Variants in SULF1 observed in about 807,000 individuals in gnomAD.
SULF1 encodes the protein sulfatase 1.
Under a neutral mutation model 110.5 loss-of-function variants are expected in SULF1, and 46 were observed. The observed-to-expected ratio is 0.42, with a 90% CI of 0.33 to 0.53. The LOEUF (loss-of-function observed/expected upper bound fraction) is 0.53. Ranked by LOEUF, SULF1 falls within the 20% of genes least tolerant of loss-of-function variation. SULF1 has a pLI of 0.12. For synonymous variants in SULF1, 371 were observed against 387.1 expected (o/e 0.96, Z 0.49); for missense variants, 941 against 1,094.2 (o/e 0.86, Z 1.98).
intron 3 of SULF1, among the ~76,000 whole-genome samples, chr8:69,515,168 C>G (rs189831510): frequency 3.9e-5 from 6 of 152,152 alleles, no homozygotes; most frequent in African/African-American, 1.4e-4. Context: ...AGTAGAGGCT[C>G]TCCACAGGGC....
At chr8:69,514,063 G>A (rs1811757464) in intron 3 of SULF1, among the ~76,000 whole-genome samples, 1 of 152,172 alleles carries the variant, frequency 6.6e-6, no homozygotes, top group Non-Finnish European at 1.5e-5. Flanking sequence ...TCTGTAACAT[G>A]GAGGTGCTCA....
intron 1 of SULF1, among the ~76,000 whole-genome samples, chr8:69,478,861 A>T (rs1809406864): frequency 6.6e-6 from 1 of 152,212 alleles, no homozygotes; most frequent in South Asian, 2.1e-4. Flanking sequence ...TAGAGCCAGT[A>T]CATCCTAAAG....
intron 3 of SULF1, among the ~76,000 whole-genome samples, chr8:69,543,271 A>G (rs1357802290): frequency 6.6e-6 from 1 of 152,086 alleles, no homozygotes; most frequent in Non-Finnish European, 1.5e-5. Flanking sequence ...CAGGTTTGTT[A>G]CATAGGTAAA....
At chr8:69,506,553 AG>A (rs1217197575) in intron 3 of SULF1, among the ~76,000 whole-genome samples, 3 of 152,232 alleles carry the variant, frequency 2.0e-5, no homozygotes, top group African/African-American at 7.2e-5. Context: ...TGTGCCCATC[AG>A]GCTGTGCCAT....
At chr8:69,609,175 G>A (rs979465301) in intron 13 of SULF1, among the ~76,000 whole-genome samples, 2 of 151,864 alleles carry the variant, frequency 1.3e-5, no homozygotes, top group Admixed American at 6.6e-5. Context: ...CTAGGGAGAC[G>A]CCGTCTCCAC....
upstream of SULF1, among the ~76,000 whole-genome samples, chr8:69,488,755 T>C (rs528198529): frequency 1.3e-5 from 2 of 151,990 alleles, no homozygotes; most frequent in South Asian, 4.2e-4. Context: ...AAAAGTCACA[T>C]AAACTCACAG....
chr8:69,584,530 G>A (rs1346058001), intron 6 of SULF1: 1 of 152,152 alleles, frequency 6.6e-6, no homozygotes, highest in Non-Finnish European at 1.5e-5. Flanking sequence ...ACTTACGATG[G>A]GGTGACATCC....
At chr8:69,551,813 C>T (rs975440625) in intron 3 of SULF1, among the ~76,000 whole-genome samples, 2 of 152,072 alleles carry the variant, frequency 1.3e-5, no homozygotes, top group Non-Finnish European at 2.9e-5. Context: ...ATTTTAAGGC[C>T]GGGTGCGGTG....
At chr8:69,578,607 G>A (rs1271652514) in intron 6 of SULF1, among the ~76,000 whole-genome samples, 1 of 148,696 alleles carries the variant, frequency 6.7e-6, no homozygotes, top group Non-Finnish European at 1.5e-5. Flanking sequence ...TTAAGAATCG[G>A]GTCTGGGATG....
chr8:69,520,115 A>G (rs1812193281), intron 3 of SULF1, among the ~76,000 whole-genome samples: 1 of 40,066 alleles, frequency 2.5e-5, no homozygotes, highest in Non-Finnish European at 4.3e-5. Flanking sequence ...TTCCAGTTAC[A>G]CACACACACA....
At chr8:69,551,024 C>A (rs1814670138) in intron 3 of SULF1, among the ~76,000 whole-genome samples, 1 of 152,116 alleles carries the variant, frequency 6.6e-6, no homozygotes, top group African/African-American at 2.4e-5. Flanking sequence ...ATTGTTTAAT[C>A]GATTCGAAGT....
intron 8 of SULF1, 138 bp from the exon 9 acceptor site, chr8:69,600,465 A>G (rs1756413930): frequency 3.9e-6 from 3 of 759,972 alleles, no homozygotes; most frequent in Non-Finnish European, 6.0e-6. Context: ...AAATGCAAAC[A>G]GAAGATAGTT....
Position 69,628,236 on chromosome 8 carries a change from A to G in SULF1, c.2108A>G (p.Lys703Arg), listed in dbSNP as rs567975433. ...EKLKSHLHPFKEAAQEVDSKL... is the reference protein window; with the variant it reads ...EKLKSHLHPFREAAQEVDSKL... ...TTAAAGAGCCATCTTCACCCATTCA[A>G]GTAAGTAACTCTCTGTTTTCCACAT... Residue 703 changes from lysine (K) to arginine (R), a missense_variant and splice_region_variant, in exon 18 of 23, where the codon AAG becomes AGG. By Grantham distance (26) the Lys-to-Arg change is conservative. This residue lies in a region of SULF1 where 822 missense variants were observed against 934.3 expected (regional missense o/e 0.88). Transcript: ENST00000402687. 9.3e-6 allele frequency: 15 copies of G among 1,613,414 alleles called. No individual in the cohort carries two copies. The highest frequency in any genetic ancestry group is 3.3e-5 in the South Asian group (3 of 91,084).
At chr8:69,615,563 TG>T (rs1422267369) in intron 13 of SULF1, among the ~76,000 whole-genome samples, 2 of 152,194 alleles carry the variant, frequency 1.3e-5, no homozygotes, top group Non-Finnish European at 2.9e-5. Flanking sequence ...CATCCAAGTA[TG>T]TGTGTAGATA....
chr8:69,606,360 A>G (rs891223704), intron 13 of SULF1, among the ~76,000 whole-genome samples: 2 of 152,236 alleles, frequency 1.3e-5, no homozygotes, highest in Non-Finnish European at 2.9e-5. Context: ...GAAGTCTTCA[A>G]ATCTTTCTTA....
At chr8:69,598,930 G>T (rs920237780) in intron 8 of SULF1, among the ~76,000 whole-genome samples, 1 of 151,904 alleles carries the variant, frequency 6.6e-6, no homozygotes. Flanking sequence ...GGGTAACTTT[G>T]TCAACCAAGA....
At chr8:69,607,896 G>C (rs781480942) in intron 13 of SULF1, among the ~76,000 whole-genome samples, 1 of 152,110 alleles carries the variant, frequency 6.6e-6, no homozygotes, top group Non-Finnish European at 1.5e-5. Flanking sequence ...CCCTGCTTCC[G>C]TTCCTCTTAA....
rs1203372133 is a variant in SULF1, at chr8:69,634,023, A to ATATAAATAATATGT, written c.2284+4354_2284+4367dup. Among the ~76,000 whole-genome samples the ATATAAATAATATGT allele has an allele frequency of 2.2e-4, 33 of 152,364 alleles. No homozygotes were observed. In the East Asian group the frequency reaches 5.8e-3, roughly 27 times the overall value. On this transcript the variant is annotated intron_variant, in intron 19 of 22. Transcript: ENST00000402687. ...ATGTAGATGTGAGATAAATGTTCAC[A>ATATAAATAATATGT]TATAAATAATATGTTATAAATAACA... is the stretch of plus-strand genomic sequence containing the variant.
intron 7 of SULF1, among the ~76,000 whole-genome samples, chr8:69,588,687 T>C (rs762925775): frequency 2.0e-5 from 3 of 152,226 alleles, no homozygotes; most frequent in Non-Finnish European, 4.4e-5. Flanking sequence ...AATCATTATC[T>C]TGGGCAAACA....
Sources: allele counts gnomAD v4.1 joint callset (sites outside exome capture counted in the v4.1 genomes callset), GRCh38; gene constraint gnomAD v4.1.1; regional missense constraint gnomAD v4.1.1; transcripts MANE v1.5; gene names NCBI Gene and HGNC (gene_info 2026-07-23, HGNC 2026-07-21).